The following EDA variants were observed in gnomAD, a reference collection of about 807,000 sequenced individuals.
EDA encodes the protein ectodysplasin A.
Under a neutral mutation model 23.6 loss-of-function variants are expected in EDA, and 2 were observed. The ratio of observed to expected loss-of-function variants is 0.08; its 90% confidence interval spans 0.03 to 0.27. The LOEUF (loss-of-function observed/expected upper bound fraction) is 0.27, where lower values mean the gene tolerates loss of function less well. Among genes scored for constraint, EDA ranks in the 10% least tolerant of loss-of-function variants. The pLI is 1.00. For synonymous variants in EDA, 131 were observed against 132.0 expected (o/e 0.99, Z 0.05); for missense variants, 229 against 324.2 (o/e 0.71, Z 2.26).
intron 1 of EDA, among the ~76,000 whole-genome samples, chrX:69,881,860 G>T (rs942207956): frequency 1.8e-5 from 2 of 111,033 alleles, no homozygotes; most frequent in South Asian, 7.7e-4. Flanking sequence ...GTAAGAGAGA[G>T]GGGGTGGTGC....
At chrX:69,709,733 G>T (rs892007725) in intron 1 of EDA, among the ~76,000 whole-genome samples, 13 of 111,975 alleles carry the variant, frequency 1.2e-4, no homozygotes, top group African/African-American at 4.2e-4. Context: ...GGACTCTAGA[G>T]ATCCTCTCAC....
chrX:70,000,289 A>G (rs1445474259), intron 2 of EDA, among the ~76,000 whole-genome samples: 1 of 112,272 alleles, frequency 8.9e-6, no homozygotes, highest in Non-Finnish European at 1.9e-5. Context: ...ACAAAGTACC[A>G]TTATTTACAG....
chrX:69,785,505 G>A (rs1400153778), intron 1 of EDA, among the ~76,000 whole-genome samples: 1 of 108,455 alleles, frequency 9.2e-6, no homozygotes. Context: ...AGCATGAAGG[G>A]TTGTTGAATT....
intron 1 of EDA, among the ~76,000 whole-genome samples, chrX:69,909,811 A>T (rs2147652320): frequency 8.9e-6 from 1 of 112,430 alleles, no homozygotes; most frequent in South Asian, 3.7e-4. Flanking sequence ...ATCATTTAGG[A>T]TGTCACCTGA....
At chrX:69,925,665 A>T (rs1183532197) in intron 1 of EDA, among the ~76,000 whole-genome samples, 1 of 111,210 alleles carries the variant, frequency 9.0e-6, no homozygotes, top group African/African-American at 3.3e-5. Flanking sequence ...TGCTGGCTTC[A>T]TAAAATGAGT....
intron 1 of EDA, among the ~76,000 whole-genome samples, chrX:69,795,330 A>G (rs2015515821): frequency 8.9e-6 from 1 of 112,374 alleles, no homozygotes; most frequent in African/African-American, 3.2e-5. Context: ...AGCCTCTGAC[A>G]TACTTAATAA....
intron 1 of EDA, among the ~76,000 whole-genome samples, chrX:69,911,095 A>C (rs981846073): frequency 3.6e-5 from 4 of 112,157 alleles, no homozygotes; most frequent in African/African-American, 1.3e-4. Flanking sequence ...TCCTCAAAAG[A>C]GTATTTTTTT....
At chrX:69,722,067 T>G (rs2012603667) in intron 1 of EDA, among the ~76,000 whole-genome samples, 1 of 112,096 alleles carries the variant, frequency 8.9e-6, no homozygotes. Flanking sequence ...GAAATCTTAG[T>G]GTAAGATCTT....
At chrX:69,957,816 G>A (rs1602565237) in intron 2 of EDA, among the ~76,000 whole-genome samples, 1 of 112,039 alleles carries the variant, frequency 8.9e-6, no homozygotes, top group African/African-American at 3.2e-5. Flanking sequence ...TACCCTGCTA[G>A]CACTTACATG....
intron 1 of EDA, among the ~76,000 whole-genome samples, chrX:69,877,027 AC>A (rs2147615222): frequency 8.9e-6 from 1 of 112,643 alleles, no homozygotes; most frequent in African/African-American, 3.2e-5. Flanking sequence ...TTGCAAAATG[AC>A]CATACCACTA....
chrX:69,754,548 G>A (rs2014028293), intron 1 of EDA, among the ~76,000 whole-genome samples: 2 of 111,284 alleles, frequency 1.8e-5, no homozygotes, highest in African/African-American at 6.5e-5. Flanking sequence ...ATGTATTGGA[G>A]TTGCTGTTCT....
chrX:69,766,904 C>T (rs900252552), intron 1 of EDA, among the ~76,000 whole-genome samples: 1 of 112,147 alleles, frequency 8.9e-6, no homozygotes, highest in Non-Finnish European at 1.9e-5. Flanking sequence ...TATACACTCC[C>T]GCCAACAGTG....
At chrX:69,714,286 A>G (rs1312283061) in intron 1 of EDA, among the ~76,000 whole-genome samples, 1 of 110,945 alleles carries the variant, frequency 9.0e-6, no homozygotes, top group African/African-American at 3.3e-5. Flanking sequence ...AGTTCTTTAT[A>G]TATTCTAGAT....
At chrX:69,766,389 G>A (rs2014470191) in intron 1 of EDA, among the ~76,000 whole-genome samples, 1 of 110,473 alleles carries the variant, frequency 9.1e-6, no homozygotes, top group South Asian at 3.9e-4. Flanking sequence ...CAGATACTAA[G>A]CCTAGTACCC....
At chrX:70,000,152 C>T (rs772434137) in intron 2 of EDA, among the ~76,000 whole-genome samples, 49 of 112,110 alleles carry the variant, frequency 4.4e-4, no homozygotes, top group African/African-American at 1.6e-3. Context: ...AGAGGCATTT[C>T]TGCTAGAATT....
chrX:69,892,404 T>C (rs2017947574), intron 1 of EDA, among the ~76,000 whole-genome samples: 1 of 111,728 alleles, frequency 9.0e-6, no homozygotes, highest in African/African-American at 3.3e-5. Flanking sequence ...TGTCAGTCAG[T>C]TTTTAAAATT....
intron 2 of EDA, among the ~76,000 whole-genome samples, chrX:70,001,172 C>G (rs1455739934): frequency 4.5e-5 from 5 of 111,433 alleles, no homozygotes. Context: ...AGGGCAGGCA[C>G]TAATGTAAAT....
At chrX:69,970,873 T>C (rs2019238280) in intron 2 of EDA, among the ~76,000 whole-genome samples, 1 of 111,921 alleles carries the variant, frequency 8.9e-6, no homozygotes, top group Non-Finnish European at 1.9e-5. Flanking sequence ...GCATAACTCT[T>C]ATTAGGTGAG....
intron 1 of EDA, among the ~76,000 whole-genome samples, chrX:69,715,945 T>A (rs1181276512): frequency 8.9e-6 from 1 of 111,986 alleles, no homozygotes; most frequent in Non-Finnish European, 1.9e-5. Flanking sequence ...CTTGTAGATT[T>A]CAGTTCCTCA....
Sources: allele counts gnomAD v4.1 joint callset (sites outside exome capture counted in the v4.1 genomes callset), GRCh38; gene constraint gnomAD v4.1.1; transcripts MANE v1.5; gene names NCBI Gene and HGNC (gene_info 2026-07-23, HGNC 2026-07-21).